The following LARGE1 variants were observed in gnomAD, a reference collection of about 807,000 sequenced individuals.
LARGE1 encodes the protein xylosyl- and glucuronyltransferase LARGE1.
LARGE1 carries 43 observed loss-of-function variants against 87.6 expected under a neutral mutation model. The ratio of observed to expected loss-of-function variants is 0.49; its 90% confidence interval spans 0.38 to 0.63. The LOEUF is 0.63. Among genes scored for constraint, LARGE1 ranks in the 30% least tolerant of loss-of-function variants. The pLI, the probability that LARGE1 is intolerant of heterozygous loss-of-function variation, is 0.00. For synonymous variants in LARGE1, 434 were observed against 394.6 expected, an observed-to-expected ratio of 1.10 and a Z score of -1.18; for missense variants, 802 against 1,000.2, an observed-to-expected ratio of 0.80 and a Z score of 2.67.
chr22:33,637,200 A>G (rs1477080351), intron 3 of LARGE1, among the ~76,000 whole-genome samples: 1 of 152,188 alleles, frequency 6.6e-6, no homozygotes, highest in East Asian at 1.9e-4. Flanking sequence ...AGGAGGTGAG[A>G]CACTTGACTC....
chr22:33,093,052 G>A, the LARGE1 span, among the ~76,000 whole-genome samples: 3 of 82,734 alleles, frequency 3.6e-5, no homozygotes, highest in African/African-American at 1.1e-4. Context: ...TCGCCACACT[G>A]TCTTCCACAA....
At chr22:33,067,351 C>T in the LARGE1 span, among the ~76,000 whole-genome samples, 15 of 152,068 alleles carry the variant, frequency 9.9e-5, no homozygotes, top group African/African-American at 3.4e-4. Context: ...CAAACATTTA[C>T]CTTGGCATTA....
At chr22:33,240,853 G>A (rs1218790201) in intron 11 of LARGE1, among the ~76,000 whole-genome samples, 2 of 152,012 alleles carry the variant, frequency 1.3e-5, no homozygotes, top group Non-Finnish European at 2.9e-5. Context: ...CTGTGTCTGA[G>A]CCCCTTATGC....
intron 1 of LARGE1, among the ~76,000 whole-genome samples, chr22:33,850,418 G>T (rs80034555): frequency 0.023 from 3,559 of 152,260 alleles, 139 homozygotes; most frequent in African/African-American, 0.08. Context: ...CAGCTGGCTG[G>T]TGACTGTGGG....
At chr22:33,714,028 TAAC>T (rs1183218745) in intron 2 of LARGE1, among the ~76,000 whole-genome samples, 117 of 149,584 alleles carry the variant, frequency 7.8e-4, no homozygotes, top group African/African-American at 1.2e-3. Context: ...TAACATAACA[TAAC>T]ATAAAACAAA....
intron 6 of LARGE1, among the ~76,000 whole-genome samples, chr22:33,495,116 C>G (rs191868947): frequency 9.9e-5 from 15 of 151,986 alleles, no homozygotes; most frequent in East Asian, 1.9e-4. Flanking sequence ...ACCCCCACCC[C>G]CCGGACACAC....
At chr22:33,381,591 G>C (rs1046124997) in intron 9 of LARGE1, among the ~76,000 whole-genome samples, 2 of 152,254 alleles carry the variant, frequency 1.3e-5, no homozygotes, top group South Asian at 4.1e-4. Context: ...ACCTGGCACA[G>C]AGTAGGCCCT....
chr22:33,905,009 C>G (rs2065399572), intron 1 of LARGE1, among the ~76,000 whole-genome samples: 1 of 148,458 alleles, frequency 6.7e-6, no homozygotes. Flanking sequence ...CTCCAAACTT[C>G]AGTATCTGAG....
intron 6 of LARGE1, among the ~76,000 whole-genome samples, chr22:33,557,552 G>T (rs5999011): frequency 0.15 from 23,281 of 152,010 alleles, 3,894 homozygotes; most frequent in African/African-American, 0.42. Context: ...TCAATACTGG[G>T]AGTGCAGGAG....
chr22:33,774,132 T>C (rs2085157502), intron 1 of LARGE1, among the ~76,000 whole-genome samples: 1 of 152,180 alleles, frequency 6.6e-6, no homozygotes, highest in Non-Finnish European at 1.5e-5. Context: ...TTATTCAATA[T>C]GCTACTGCTC....
At chr22:33,068,376 T>A in the LARGE1 span, among the ~76,000 whole-genome samples, 1 of 152,176 alleles carries the variant, frequency 6.6e-6, no homozygotes, top group African/African-American at 2.4e-5. Flanking sequence ...CCGGGCACGG[T>A]GGCTCACGCC....
intron 6 of LARGE1, among the ~76,000 whole-genome samples, chr22:33,462,059 T>C (rs796713249): frequency 2.6e-5 from 4 of 152,332 alleles, no homozygotes; most frequent in African/African-American, 9.6e-5. Flanking sequence ...TTATGGTAAT[T>C]TATTATTCAT....
chr22:33,082,021 T>A, the LARGE1 span, among the ~76,000 whole-genome samples: 1 of 151,688 alleles, frequency 6.6e-6, no homozygotes, highest in African/African-American at 2.4e-5. Context: ...ATTGTCGTTG[T>A]TATTATTATT....
In LARGE1 at chr22:33,403,633, C is replaced by T. The variant is rs191805466; in HGVS notation, c.893-19329G>A. On this transcript the variant is annotated intron_variant, in intron 7 of 14. Transcript: ENST00000397394. ...TTCTTTTTTTTTTGAGACGGAGTTT[C>T]GTCCTTGTCACCCAGGCTGGAGTGT... 5.1e-3 allele frequency among the ~76,000 whole-genome samples: 780 copies of T among 151,918 alleles called. 6 individuals carry two copies. The highest frequency in any genetic ancestry group is 7.6e-3 in the Non-Finnish European group (518 of 67,974).
intron 7 of LARGE1, among the ~76,000 whole-genome samples, chr22:33,425,332 G>T (rs1334790053): frequency 2.0e-5 from 3 of 152,166 alleles, no homozygotes; most frequent in Non-Finnish European, 2.9e-5. Flanking sequence ...GCCATGTCAG[G>T]ATACAATGAG....
intron 1 of LARGE1, among the ~76,000 whole-genome samples, chr22:33,768,412 C>G (rs1011459958): frequency 7.4e-5 from 11 of 149,296 alleles, no homozygotes; most frequent in Non-Finnish European, 1.0e-4. Context: ...CACCTTTACC[C>G]AAGCCACAAT....
chr22:33,115,907 C>T, the LARGE1 span, among the ~76,000 whole-genome samples: 1 of 151,142 alleles, frequency 6.6e-6, no homozygotes, highest in African/African-American at 2.4e-5. Context: ...ATCTGTAAGA[C>T]ATAAAGAGAG....
At chr22:33,768,098 A>G (rs2084959790) in intron 1 of LARGE1, among the ~76,000 whole-genome samples, 1 of 152,184 alleles carries the variant, frequency 6.6e-6, no homozygotes, top group South Asian at 2.1e-4. Context: ...TCATGAGGTC[A>G]GGAGATTGAG....
At chr22:33,727,425 T>A (rs2083304456) in intron 2 of LARGE1, 1 of 152,254 alleles carries the variant, frequency 6.6e-6, no homozygotes, top group Non-Finnish European at 1.5e-5. Flanking sequence ...AAGGTGCTAA[T>A]ATTTTGCTAA....
Sources: allele counts gnomAD v4.1 joint callset (sites outside exome capture counted in the v4.1 genomes callset), GRCh38; gene constraint gnomAD v4.1.1; transcripts MANE v1.5; gene names NCBI Gene and HGNC (gene_info 2026-07-23, HGNC 2026-07-21).